Variants in CNTNAP5 observed in about 807,000 individuals in gnomAD.
CNTNAP5 encodes the protein contactin-associated protein-like 5.
A neutral mutation model predicts 150.2 loss-of-function variants in CNTNAP5; 72 were observed. The observed-to-expected ratio is 0.48, with a 90% CI of 0.40 to 0.58. The LOEUF (loss-of-function observed/expected upper bound fraction) is 0.58, where lower values mean the gene tolerates loss of function less well. Among genes scored for constraint, CNTNAP5 ranks in the 20% least tolerant of loss-of-function variants. The pLI, the probability that CNTNAP5 is intolerant of heterozygous loss-of-function variation, is 0.00. For missense variants in CNTNAP5, 1,636 were observed against 1,626.2 expected, an observed-to-expected ratio of 1.01 and a Z score of -0.10; for synonymous variants, 672 against 619.8, an observed-to-expected ratio of 1.08 and a Z score of -1.25.
At chr2:124,541,637 GA>G (rs1315643531) in intron 10 of CNTNAP5, among the ~76,000 whole-genome samples, 1 of 152,090 alleles carries the variant, frequency 6.6e-6, no homozygotes, top group Non-Finnish European at 1.5e-5. Flanking sequence ...ATGTGGTTGG[GA>G]GAAACTCGAA....
At chr2:124,251,337 G>A (rs1207964688) in intron 3 of CNTNAP5, among the ~76,000 whole-genome samples, 6 of 151,798 alleles carry the variant, frequency 4.0e-5, no homozygotes, top group Admixed American at 3.9e-4. Flanking sequence ...ATAAAAATTG[G>A]GCTGGAGTTA....
At chr2:124,733,094 A>C (rs1460405586) in intron 13 of CNTNAP5, among the ~76,000 whole-genome samples, 1 of 152,146 alleles carries the variant, frequency 6.6e-6, no homozygotes, top group Admixed American at 6.6e-5. Context: ...CTTATTTAAG[A>C]AAAGATTAGG....
At chr2:124,610,864 C>T (rs746493804) in intron 12 of CNTNAP5, among the ~76,000 whole-genome samples, 9 of 151,322 alleles carry the variant, frequency 5.9e-5, no homozygotes, top group East Asian at 1.9e-4. Context: ...GGCTGAGGCA[C>T]GAGACTCGCT....
chr2:124,490,267 G>A (rs539857915), intron 7 of CNTNAP5, among the ~76,000 whole-genome samples: 1 of 151,574 alleles, frequency 6.6e-6, no homozygotes, highest in South Asian at 2.1e-4. Context: ...CAGGGAGGTG[G>A]AGTTTGCAGG....
chr2:124,046,962 CT>C (rs1681555540), intron 1 of CNTNAP5, among the ~76,000 whole-genome samples: 1 of 152,138 alleles, frequency 6.6e-6, no homozygotes, highest in African/African-American at 2.4e-5. Context: ...TAAGAAATTT[CT>C]TTGATACAGA....
chr2:124,326,183 A>G (rs1212122531), intron 3 of CNTNAP5, among the ~76,000 whole-genome samples: 1 of 152,208 alleles, frequency 6.6e-6, no homozygotes, highest in Admixed American at 6.5e-5. Context: ...TGGAAGGCTC[A>G]TCATCAAGAC....
chr2:124,811,706 C>CG (rs70999221), intron 19 of CNTNAP5, among the ~76,000 whole-genome samples: 81,920 of 136,118 alleles, frequency 0.6, 25,112 homozygotes, highest in East Asian at 0.74. Flanking sequence ...CTTTAGGAGG[C>CG]GGGGGGGGTG....
intron 10 of CNTNAP5, among the ~76,000 whole-genome samples, chr2:124,548,438 G>GA (rs1695561479): frequency 6.6e-6 from 1 of 152,218 alleles, no homozygotes; most frequent in East Asian, 1.9e-4. Context: ...TTCACTCCAT[G>GA]AAACCAGGTT....
intron 13 of CNTNAP5, among the ~76,000 whole-genome samples, chr2:124,708,188 AT>A (rs767013103): frequency 3.3e-5 from 5 of 152,202 alleles, no homozygotes; most frequent in Admixed American, 6.5e-5. Flanking sequence ...AATAGTCAAA[AT>A]GGAGAGGCTT....
At chr2:124,838,537 T>G (rs1016261959) in intron 19 of CNTNAP5, among the ~76,000 whole-genome samples, 1 of 152,160 alleles carries the variant, frequency 6.6e-6, no homozygotes, top group Non-Finnish European at 1.5e-5. Flanking sequence ...CAGCTGGTGA[T>G]CTGGGAAGAA....
intron 19 of CNTNAP5, among the ~76,000 whole-genome samples, chr2:124,838,122 A>T (rs1682867558): frequency 6.6e-6 from 1 of 152,200 alleles, no homozygotes; most frequent in Non-Finnish European, 1.5e-5. Context: ...AGGGATTAAA[A>T]AATAATAATC....
rs754009416 is a variant in CNTNAP5, at chr2:124,457,786, C to A, written c.918+10849C>A. On this transcript the variant is annotated intron_variant, in intron 6 of 23. Transcript: ENST00000682447. Reference sequence around the variant, plus strand: ...GTGACAATTCTCAAAAGAAGATATACAAATGGCCAACAAACATATGAAAAA... The same window carrying A: ...GTGACAATTCTCAAAAGAAGATATAAAAATGGCCAACAAACATATGAAAAA... Among the ~76,000 whole-genome samples, 133 of 151,956 alleles carry A rather than the reference C, an allele frequency of 8.8e-4. 5 individuals carry two copies. Among genetic ancestry groups the A allele is most frequent in the Non-Finnish European group, 3.1e-4 (21 of 67,996 alleles).
At chr2:124,596,761 TG>T (rs1280364792) in intron 11 of CNTNAP5, among the ~76,000 whole-genome samples, 17 of 10,784 alleles carry the variant, frequency 1.6e-3, no homozygotes, top group African/African-American at 2.9e-3. Context: ...CCATTATTAA[TG>T]TGTGGGAGTC....
At chr2:124,637,615 C>G (rs1185936966) in intron 12 of CNTNAP5, among the ~76,000 whole-genome samples, 1 of 152,200 alleles carries the variant, frequency 6.6e-6, no homozygotes, top group African/African-American at 2.4e-5. Flanking sequence ...TGTTCCTCAA[C>G]ATTTCCTCCC....
chr2:124,568,755 G>T (rs1411309389), intron 11 of CNTNAP5, among the ~76,000 whole-genome samples: 2 of 152,010 alleles, frequency 1.3e-5, no homozygotes, highest in Non-Finnish European at 2.9e-5. Context: ...TTGTATTTAA[G>T]TATTTTCTGG....
At chr2:124,294,882 C>T (rs112528910) in intron 3 of CNTNAP5, among the ~76,000 whole-genome samples, 11,916 of 152,100 alleles carry the variant, frequency 0.078, 606 homozygotes, top group Non-Finnish European at 0.12. Flanking sequence ...CCGAGGCGGG[C>T]GGATCACAAG....
intron 1 of CNTNAP5, among the ~76,000 whole-genome samples, chr2:124,127,764 C>A (rs1683745500): frequency 6.6e-6 from 1 of 152,176 alleles, no homozygotes; most frequent in Non-Finnish European, 1.5e-5. Flanking sequence ...CACACACCTA[C>A]AACCATTTGA....
At position 124,920,254 on chromosome 2, in the gene CNTNAP5, G is replaced by A. The variant is rs1371256524; in HGVS notation, c.*5966G>A. Among the ~76,000 whole-genome samples, 7 of 152,096 alleles carry A rather than the reference G, an allele frequency of 4.6e-5. No individual in the cohort carries two copies. Among genetic ancestry groups the A allele is most frequent in the Non-Finnish European group, 1.0e-4 (7 of 68,020 alleles). ...TTCAGATGCCAGAAATATCTTCAGA[G>A]AACGTGAACAAAGTGCTGGATATGA... is the stretch of plus-strand genomic sequence containing the variant. On this transcript the variant is annotated 3_prime_UTR_variant, in exon 24 of 24. Transcript: ENST00000682447.
At chr2:124,252,165 A>C (rs72962852) in intron 3 of CNTNAP5, among the ~76,000 whole-genome samples, 2 of 152,124 alleles carry the variant, frequency 1.3e-5, no homozygotes, top group East Asian at 3.9e-4. Flanking sequence ...CTGTGTTTAT[A>C]TGTGAGGGCT....
Sources: allele counts gnomAD v4.1 joint callset (sites outside exome capture counted in the v4.1 genomes callset), GRCh38; gene constraint gnomAD v4.1.1; transcripts MANE v1.5; gene names NCBI Gene and HGNC (gene_info 2026-07-23, HGNC 2026-07-21).